The following PPP2R5E variants were observed in gnomAD, a reference collection of about 807,000 sequenced individuals.
PPP2R5E encodes protein phosphatase 2 regulatory subunit B'epsilon, also known as serine/threonine-protein phosphatase 2A 56 kDa regulatory subunit epsilon isoform.
PPP2R5E carries 4 observed loss-of-function variants against 65.3 expected under a neutral mutation model. The observed-to-expected ratio is 0.06, with a 90% CI of 0.03 to 0.14. PPP2R5E has a LOEUF of 0.14. PPP2R5E is among the 10% of genes least tolerant of loss of function. PPP2R5E has a pLI of 1.00. For synonymous variants in PPP2R5E, 183 were observed against 187.4 expected (o/e 0.98, Z 0.19); for missense variants, 274 against 556.1 (o/e 0.49, Z 5.10).
intron 2 of PPP2R5E, among the ~76,000 whole-genome samples, chr14:63,500,095 A>G (rs1400875447): frequency 6.6e-6 from 1 of 152,148 alleles, no homozygotes; most frequent in Non-Finnish European, 1.5e-5. Flanking sequence ...CAGTTTTCCC[A>G]TCTATAGAGG....
intron 3 of PPP2R5E, 127 bp from the exon 4 acceptor site, chr14:63,422,221 G>C (rs1226018764): frequency 2.7e-6 from 2 of 733,106 alleles, no homozygotes; most frequent in Admixed American, 4.9e-5. Flanking sequence ...ACTAGAATAA[G>C]GACCTCTTTC....
chr14:63,437,635 G>A (rs1435588525), intron 3 of PPP2R5E, among the ~76,000 whole-genome samples: 1 of 152,050 alleles, frequency 6.6e-6, no homozygotes, highest in Admixed American at 6.6e-5. Context: ...TCCAGAGAGT[G>A]GTCTATCCTA....
At chr14:63,467,724 G>C (rs924555378) in intron 2 of PPP2R5E, among the ~76,000 whole-genome samples, 2 of 152,220 alleles carry the variant, frequency 1.3e-5, no homozygotes, top group Non-Finnish European at 1.5e-5. Context: ...ACTTGAAAAA[G>C]AAATGTAAGC....
At position 63,384,670 on chromosome 14, in the gene PPP2R5E, T is replaced by C. The variant is rs1594811914; in HGVS notation, c.1075-99A>G. 6 of 995,008 alleles carry C rather than the reference T, an allele frequency of 6.0e-6. No homozygotes were observed. The East Asian group carries it at 1.3e-4, about 22-fold the overall frequency. The allele number at this position is 995,008 out of a possible 1,614,324, so 61.6% of individuals were successfully genotyped here. ...AACAAAAGTATTTCAAAAGGCTATT[T>C]GTAAATCATTCAATTAGAGGTAAAA... is the stretch of plus-strand genomic sequence containing the variant. On this transcript the variant is annotated intron_variant, in intron 11 of 13. Coordinates refer to ENST00000337537, the MANE Select transcript of PPP2R5E (RefSeq NM_006246.5).
chr14:63,481,278 C>T (rs149418623), intron 2 of PPP2R5E, among the ~76,000 whole-genome samples: 1,920 of 152,140 alleles, frequency 0.013, 38 homozygotes, highest in African/African-American at 0.044. Flanking sequence ...GGGTGAATCA[C>T]CTGAGGTCAG....
intron 2 of PPP2R5E, among the ~76,000 whole-genome samples, chr14:63,493,041 G>C (rs1353691370): frequency 1.3e-5 from 2 of 152,110 alleles, no homozygotes; most frequent in East Asian, 3.9e-4. Flanking sequence ...TCTAGGCAAG[G>C]AATTCTGATC....
chr14:63,530,050 G>T (rs189959204), intron 2 of PPP2R5E, among the ~76,000 whole-genome samples: 3 of 152,106 alleles, frequency 2.0e-5, no homozygotes, highest in Non-Finnish European at 4.4e-5. Context: ...AACGTGAATG[G>T]AAGGGATGAA....
At chr14:63,496,156 G>T (rs777923071) in intron 2 of PPP2R5E, among the ~76,000 whole-genome samples, 4 of 152,048 alleles carry the variant, frequency 2.6e-5, no homozygotes, top group Non-Finnish European at 5.9e-5. Flanking sequence ...GGGATGTATT[G>T]GTGTTCACCG....
At chr14:63,435,712 T>C (rs1887923387) in intron 3 of PPP2R5E, among the ~76,000 whole-genome samples, 1 of 152,228 alleles carries the variant, frequency 6.6e-6, no homozygotes. Context: ...ATTCTGACCA[T>C]GAACCCTCCG....
intron 2 of PPP2R5E, among the ~76,000 whole-genome samples, chr14:63,482,829 T>C (rs917261297): frequency 3.3e-5 from 5 of 152,226 alleles, no homozygotes; most frequent in African/African-American, 1.2e-4. Flanking sequence ...CAAGGCCTAC[T>C]GTGAGCTGGG....
chr14:63,510,879 C>T (rs1892424077), intron 2 of PPP2R5E, among the ~76,000 whole-genome samples: 1 of 152,168 alleles, frequency 6.6e-6, no homozygotes, highest in African/African-American at 2.4e-5. Context: ...AAGGTGGAAG[C>T]AGCAGGGAAC....
intron 3 of PPP2R5E, chr14:63,451,166 T>C (rs1433848901): frequency 6.6e-6 from 1 of 152,076 alleles, no homozygotes; most frequent in Non-Finnish European, 1.5e-5. Context: ...AAAAAAAAAC[T>C]AAACATACTC....
chr14:63,384,350 A>T (rs1884534609), intron 12 of PPP2R5E, 94 bp downstream of exon 12: 1 of 1,417,508 alleles, frequency 7.1e-7, no homozygotes, highest in Non-Finnish European at 9.8e-7. Flanking sequence ...ATACGTCTTC[A>T]GCAACAAGGA....
intron 8 of PPP2R5E, 98 bp downstream of exon 8, chr14:63,393,722 A>G: frequency 1.2e-6 from 1 of 847,644 alleles, no homozygotes; most frequent in Non-Finnish European, 1.8e-6. Context: ...AAAAAACAAA[A>G]ACCAAAAAAA....
At chr14:63,491,365 G>A (rs896417702) in intron 2 of PPP2R5E, among the ~76,000 whole-genome samples, 17 of 151,350 alleles carry the variant, frequency 1.1e-4, no homozygotes, top group African/African-American at 4.2e-4. Flanking sequence ...TGGACTCCCT[G>A]AATCTATAAT....
rs567633315 is a variant in PPP2R5E at position 63,399,314 on chromosome 14, T to C, written c.550-2598A>G. Among the ~76,000 whole-genome samples the C allele has an allele frequency of 1.2e-4, 18 of 148,160 alleles. 1 individual carries two copies. The highest frequency in any genetic ancestry group is 3.5e-3 in the Middle Eastern group (1 of 282). On this transcript the variant is annotated intron_variant, in intron 5 of 13. Coordinates refer to ENST00000337537, the MANE Select transcript of PPP2R5E (RefSeq NM_006246.5). Reference sequence around the variant, plus strand: ...GAAATAAGCAGAATAGGCAAATCCATAGTGACAGAAAGTAGAATGGGGAGT... The same window carrying C: ...GAAATAAGCAGAATAGGCAAATCCACAGTGACAGAAAGTAGAATGGGGAGT...
At chr14:63,466,700 G>A (rs1472366734) in intron 2 of PPP2R5E, among the ~76,000 whole-genome samples, 3 of 152,102 alleles carry the variant, frequency 2.0e-5, no homozygotes, top group Non-Finnish European at 2.9e-5. Context: ...TATAAAAGCA[G>A]AATTATTCAA....
intron 4 of PPP2R5E, among the ~76,000 whole-genome samples, chr14:63,416,466 TAA>T (rs776504226): frequency 2.6e-3 from 393 of 152,264 alleles, no homozygotes; most frequent in Non-Finnish European, 3.7e-3. Flanking sequence ...AATACACACA[TAA>T]AGCCCTCTGC....
chr14:63,504,652 G>C (rs1366012291), intron 2 of PPP2R5E, among the ~76,000 whole-genome samples: 1 of 152,116 alleles, frequency 6.6e-6, no homozygotes, highest in African/African-American at 2.4e-5. Flanking sequence ...TAGATGTTTG[G>C]GGGAATGAGA....
Sources: gnomAD v4.1 joint callset for allele counts (sites outside exome capture counted in the v4.1 genomes callset) on GRCh38, gnomAD v4.1.1 for gene constraint, MANE v1.5 for transcripts, NCBI Gene and HGNC (gene_info 2026-07-23, HGNC 2026-07-21) for gene names.